Variants in LINGO2 observed in about 807,000 individuals in gnomAD.
The protein encoded by LINGO2 is leucine-rich repeat and immunoglobulin-like domain-containing nogo receptor-interacting protein 2.
Under a neutral mutation model 30.6 loss-of-function variants are expected in LINGO2, and 14 were observed. The ratio of observed to expected loss-of-function variants is 0.46; its 90% confidence interval spans 0.30 to 0.72. LINGO2 has a LOEUF of 0.72. LINGO2 is among the 30% of genes least tolerant of loss of function. The pLI is 0.07. For synonymous variants in LINGO2, 317 were observed against 288.5 expected (o/e 1.10, Z -1.00); for missense variants, 729 against 751.7 (o/e 0.97, Z 0.35).
At chr9:28,161,462 T>A (rs543065536) in intron 4 of LINGO2, among the ~76,000 whole-genome samples, 2 of 152,324 alleles carry the variant, frequency 1.3e-5, no homozygotes, top group Non-Finnish European at 1.5e-5. Context: ...GTGAAATAAG[T>A]ATATAATTTA....
At chr9:27,966,512 T>C (rs563019772) in intron 5 of LINGO2, among the ~76,000 whole-genome samples, 13 of 152,006 alleles carry the variant, frequency 8.6e-5, no homozygotes, top group Non-Finnish European at 1.3e-4. Context: ...TAAGTGGGAA[T>C]TGAACAGTGG....
chr9:28,953,328 G>A, the LINGO2 span, among the ~76,000 whole-genome samples: 19 of 151,544 alleles, frequency 1.3e-4, no homozygotes, highest in South Asian at 1.0e-3. Context: ...TAGGAATCAG[G>A]GTCTATATAC....
At chr9:28,395,418 G>C (rs183802740) in intron 2 of LINGO2, among the ~76,000 whole-genome samples, 1 of 152,248 alleles carries the variant, frequency 6.6e-6, no homozygotes, top group East Asian at 1.9e-4. Flanking sequence ...AAGTTTAGAA[G>C]AGTATGTATT....
At chr9:28,729,629 CAG>C in the LINGO2 span, among the ~76,000 whole-genome samples, 2 of 151,152 alleles carry the variant, frequency 1.3e-5, no homozygotes, top group East Asian at 2.0e-4. Flanking sequence ...TTAAAAAAAA[CAG>C]AGTCTCAAAG....
chr9:28,469,596 G>A (rs1387327053), intron 2 of LINGO2, among the ~76,000 whole-genome samples: 1 of 152,052 alleles, frequency 6.6e-6, no homozygotes, highest in African/African-American at 2.4e-5. Context: ...ATGTACAAGG[G>A]ATCCTTGATA....
At chr9:29,027,058 A>T in the LINGO2 span, among the ~76,000 whole-genome samples, 1 of 152,204 alleles carries the variant, frequency 6.6e-6, no homozygotes, top group Admixed American at 6.6e-5. Flanking sequence ...TCACATTTTA[A>T]CCAGTGTTAT....
chr9:28,948,578 T>A, the LINGO2 span, among the ~76,000 whole-genome samples: 1 of 152,088 alleles, frequency 6.6e-6, no homozygotes, highest in African/African-American at 2.4e-5. Flanking sequence ...AAGTCAAATT[T>A]ATTGCAAGAA....
the LINGO2 span, among the ~76,000 whole-genome samples, chr9:28,992,823 G>A: frequency 7.2e-5 from 11 of 151,986 alleles, no homozygotes; most frequent in South Asian, 8.3e-4. Context: ...CAACGAGAAC[G>A]AAGACACAAC....
At chr9:28,904,535 A>C in the LINGO2 span, among the ~76,000 whole-genome samples, 2 of 152,026 alleles carry the variant, frequency 1.3e-5, no homozygotes, top group East Asian at 1.9e-4. Context: ...AACATATGAA[A>C]ATCTGTACTG....
chr9:27,961,356 C>G (rs1230963937), intron 5 of LINGO2, among the ~76,000 whole-genome samples: 4 of 152,150 alleles, frequency 2.6e-5, no homozygotes, highest in Non-Finnish European at 5.9e-5. Context: ...AATATAGGAG[C>G]TCTGCAACAG....
intron 1 of LINGO2, among the ~76,000 whole-genome samples, chr9:28,600,014 CT>C (rs535553534): frequency 9.2e-5 from 14 of 152,012 alleles, no homozygotes; most frequent in Non-Finnish European, 1.9e-4. Flanking sequence ...ATACAAAATG[CT>C]TTTGAAAATG....
At chr9:28,105,096 C>T (rs2133332628) in intron 4 of LINGO2, among the ~76,000 whole-genome samples, 1 of 152,278 alleles carries the variant, frequency 6.6e-6, no homozygotes, top group South Asian at 2.1e-4. Flanking sequence ...ACACTTTATT[C>T]TCTGTGTATG....
the LINGO2 span, among the ~76,000 whole-genome samples, chr9:29,135,181 T>C: frequency 6.6e-6 from 1 of 152,184 alleles, no homozygotes; most frequent in Non-Finnish European, 1.5e-5. Context: ...GTTACTAATT[T>C]ATTCCCTTTC....
the LINGO2 span, among the ~76,000 whole-genome samples, chr9:28,955,268 G>C: frequency 6.6e-6 from 1 of 152,076 alleles, no homozygotes; most frequent in Non-Finnish European, 1.5e-5. Context: ...GTCAGAAGGA[G>C]ACAGAGAATA....
the LINGO2 span, among the ~76,000 whole-genome samples, chr9:28,855,719 C>T: frequency 6.6e-6 from 1 of 151,854 alleles, no homozygotes; most frequent in Non-Finnish European, 1.5e-5. Flanking sequence ...GAGAGTAAAA[C>T]ATTCAATGGG....
intron 1 of LINGO2, among the ~76,000 whole-genome samples, chr9:28,568,305 C>A (rs1462087853): frequency 1.3e-5 from 2 of 151,992 alleles, no homozygotes; most frequent in Non-Finnish European, 2.9e-5. Context: ...AGAGGAACAA[C>A]AGACACGGGG....
chr9:28,848,387 GTGTGTGTGTGTATA>G, the LINGO2 span, among the ~76,000 whole-genome samples: 108 of 51,832 alleles, frequency 2.1e-3, no homozygotes, highest in East Asian at 0.021. Context: ...GTGTGTGTGT[GTGTGTGTGTGTATA>G]TATATATATA....
At chr9:28,309,949 C>A (rs142768281) in intron 3 of LINGO2, among the ~76,000 whole-genome samples, 2 of 151,830 alleles carry the variant, frequency 1.3e-5, no homozygotes, top group South Asian at 2.1e-4. Flanking sequence ...AAAAACACCC[C>A]GAGATATTGC....
At chr9:28,378,186 T>A (rs931183766) in intron 2 of LINGO2, among the ~76,000 whole-genome samples, 2 of 152,168 alleles carry the variant, frequency 1.3e-5, no homozygotes, top group African/African-American at 4.8e-5. Flanking sequence ...AAAGTAAAAC[T>A]AGAGCATTCC....
Sources: gnomAD v4.1 joint callset for allele counts (sites outside exome capture counted in the v4.1 genomes callset) on GRCh38, gnomAD v4.1.1 for gene constraint, MANE v1.5 for transcripts, NCBI Gene and HGNC (gene_info 2026-07-23, HGNC 2026-07-21) for gene names.